The following CYP4F12 variants were observed in gnomAD, a reference collection of about 807,000 sequenced individuals.
CYP4F12 encodes cytochrome P450 4F12.
CYP4F12 carries 60 observed loss-of-function variants against 56.5 expected under a neutral mutation model. The observed-to-expected ratio is 1.06, with a 90% CI of 0.86 to 1.32. The LOEUF (loss-of-function observed/expected upper bound fraction) is 1.32. Among genes scored for constraint, CYP4F12 ranks in the 40% most tolerant of loss-of-function variants. CYP4F12 has a pLI of 0.00. For synonymous variants in CYP4F12, 263 were observed against 264.9 expected (o/e 0.99, Z 0.07); for missense variants, 711 against 683.5 (o/e 1.04, Z -0.45).
chr19:15,680,754 C>T (rs1048813288), intron 5 of CYP4F12: 8 of 570,100 alleles, frequency 1.4e-5, no homozygotes, highest in African/African-American at 1.3e-4. Context: ...CACAGAATCC[C>T]TGTAAACTCA....
chr19:15,683,338 G>A lies in CYP4F12; in HGVS notation c.648-155G>A, dbSNP rs112166237. On this transcript the variant is annotated intron_variant, in intron 6 of 12. Transcript: ENST00000550308. ...GGAGAGAAGACAGTCTAGAGAGTCA[G>A]TCTCATGACTGATACCCACCATGTA... Among the ~76,000 whole-genome samples, 1,334 of 152,286 alleles carry A rather than the reference G, an allele frequency of 8.8e-3. 15 individuals are homozygous for A. The highest frequency in any genetic ancestry group is 0.03 in the African/African-American group (1,266 of 41,540).
Position 15,696,925 on chromosome 19 carries a change from C to A in CYP4F12, c.1415C>A (p.Ala472Glu), listed in dbSNP as rs369584962. The A allele has an allele frequency of 6.2e-7, 1 of 1,613,478 alleles. No homozygotes were observed. The highest frequency in any genetic ancestry group is 2.2e-5 in the East Asian group (1 of 44,844). Residue 472 changes from alanine (A) to glutamate (E), a missense_variant, in exon 13 of 13, where the codon GCG becomes GAG. By Grantham distance (107) the Ala-to-Glu change is moderately radical (BLOSUM62 -1). Transcript: ENST00000550308. ...SAGPRNCIGQ[A>E]FAMAEMKVVL... The stretch of plus-strand genomic sequence containing the variant: ...GCCTGCAGGAACTGCATCGGGCAGG[C>A]GTTCGCCATGGCGGAGATGAAAGTG...
At chr19:15,678,576 G>A in intron 3 of CYP4F12, 171 bp downstream of exon 3, 1 of 880,980 alleles carries the variant, frequency 1.1e-6, no homozygotes, top group Non-Finnish European at 1.7e-6. Context: ...CACCACTGGG[G>A]CTCCAAGAGG....
intron 10 of CYP4F12, 35 bp from the exon 11 acceptor site, chr19:15,696,126 G>A: frequency 5.0e-6 from 8 of 1,611,854 alleles, no homozygotes; most frequent in Non-Finnish European, 5.9e-6. Flanking sequence ...TCCCTCAGGG[G>A]ATCCTTGTCC....
intron 10 of CYP4F12, 42 bp from the exon 11 acceptor site, chr19:15,696,119 C>T (rs749335918): frequency 6.2e-7 from 1 of 1,611,498 alleles, no homozygotes; most frequent in Non-Finnish European, 8.5e-7. Context: ...AGATGGTTCC[C>T]TCAGGGGATC....
At chr19:15,682,864 G>A (rs1230474537) in intron 6 of CYP4F12, among the ~76,000 whole-genome samples, 1 of 152,170 alleles carries the variant, frequency 6.6e-6, no homozygotes, top group African/African-American at 2.4e-5. Context: ...TAAGAGCTGA[G>A]CTGTGTGGGA....
chr19:15,680,822 C>T (rs1308711956), intron 5 of CYP4F12: 2 of 397,742 alleles, frequency 5.0e-6, no homozygotes, highest in Non-Finnish European at 9.6e-6. Context: ...CACTTCAGAA[C>T]TCATTGGCTT....
chr19:15,680,429 C>A lies in CYP4F12; in HGVS notation c.435C>A (p.Ser145Arg). ...TGCTGAGTGGCGGTGACAAGTGGAG[C>A]CGCCACCGTCGGATGCTGACGCCCG... is the stretch of plus-strand genomic sequence containing the variant. The part of the protein sequence containing the change: ...GILLSGGDKW[S>R]RHRRMLTPAF... The change falls in exon 5 of 13, where the codon AGC (serine) becomes AGA (arginine). Residue 145 changes from serine to arginine, a missense_variant. Physicochemically the swap from Ser to Arg is moderately radical, Grantham distance 110. Coordinates refer to ENST00000550308, the MANE Select transcript of CYP4F12 (RefSeq NM_023944.4). 1 of 1,614,010 alleles carries A rather than the reference C, an allele frequency of 6.2e-7. No individual in the cohort carries two copies. Among genetic ancestry groups the A allele is most frequent in the Non-Finnish European group, 8.5e-7 (1 of 1,179,984 alleles).
rs1291976203 is a variant in CYP4F12, at chr19:15,673,119, G to A, written c.-18G>A. 7.2e-6 allele frequency: 3 copies of A among 417,566 alleles called. No homozygotes were observed. The highest frequency in any genetic ancestry group is 5.3e-5 in the South Asian group (3 of 56,344). The allele number at this position is 417,566 out of a possible 1,614,324, so 25.9% of individuals were successfully genotyped here. The stretch of plus-strand genomic sequence containing the variant: ...GAGGAGAAGAGGTTGTGTGGGACAA[G>A]CTGCTCCCGACAGAAGGTACCAGGC... On this transcript the variant is annotated 5_prime_UTR_variant, in exon 1 of 13. Transcript: ENST00000550308.
intron 9 of CYP4F12, among the ~76,000 whole-genome samples, chr19:15,686,458 A>T (rs1251083124): frequency 6.6e-6 from 1 of 151,850 alleles, no homozygotes; most frequent in African/African-American, 2.4e-5. Context: ...GTGTCAGGGA[A>T]GGAGATGGTT....
chr19:15,685,009 A>G (rs2007529632), intron 8 of CYP4F12, 59 bp from the exon 9 acceptor site: 2 of 1,592,502 alleles, frequency 1.3e-6, no homozygotes, highest in Admixed American at 1.7e-5. Flanking sequence ...GAGGGCCTCA[A>G]TATCTGGGCG....
rs1260260335 is a variant in CYP4F12 at position 15,673,388 on chromosome 19, T to G, written c.-1-141T>G. ...TGGTTTTGGTTGGGACTTTCTGGAC[T>G]TCAGATCTCAGCCCTCGTTTACTCA... On this transcript the variant is annotated intron_variant, in intron 1 of 12. Coordinates refer to ENST00000550308, the MANE Select transcript of CYP4F12 (RefSeq NM_023944.4). The G allele has an allele frequency of 9.5e-6, 9 of 944,106 alleles. No individual in the cohort carries two copies. In the Admixed American group the frequency reaches 1.3e-4, roughly 13 times the overall value. 58.5% of individuals were successfully genotyped at this position (944,106 alleles called of 1,614,324 possible).
intron 9 of CYP4F12, among the ~76,000 whole-genome samples, chr19:15,686,721 C>T (rs1599980841): frequency 6.6e-6 from 1 of 152,100 alleles, no homozygotes; most frequent in Non-Finnish European, 1.5e-5. Flanking sequence ...CATATCTGGG[C>T]ACCAGAAAGA....
In CYP4F12 at chr19:15,696,212, G is replaced by A. The variant is rs1425856391; in HGVS notation, c.1301G>A (p.Trp434Ter). The A allele has an allele frequency of 2.5e-6, 4 of 1,614,058 alleles. No homozygotes were observed. The highest frequency in any genetic ancestry group is 2.5e-6 in the Non-Finnish European group (3 of 1,180,000). Residue 434 changes from tryptophan to a stop codon, truncating the protein, a stop_gained, in exon 11 of 13, where the codon TGG (tryptophan) becomes TAG (stop). Transcript: ENST00000550308. LOFTEE classifies it high-confidence loss of function. ...IIGVHHNPTV[W>*]PDPEVYDPFR... is the part of the protein sequence containing the mutation. ...GGGGTCCATCACAACCCAACTGTGT[G>A]GCCGGATCCTGAGGTGCTGCCTTCC...
chr19:15,682,957 A>T (rs113247569), intron 6 of CYP4F12, among the ~76,000 whole-genome samples: 1 of 152,116 alleles, frequency 6.6e-6, no homozygotes, highest in African/African-American at 2.4e-5. Flanking sequence ...GGCTGGTCTC[A>T]AATTCCTGAC....
intron 2 of CYP4F12, among the ~76,000 whole-genome samples, chr19:15,676,315 A>G (rs1342873053): frequency 2.8e-5 from 4 of 143,070 alleles, no homozygotes; most frequent in African/African-American, 1.0e-4. Context: ...TCCTGTGCCC[A>G]TTCACTCATT....
chr19:15,693,059 CAG>C (rs1354327284), intron 9 of CYP4F12, among the ~76,000 whole-genome samples: 66 of 152,196 alleles, frequency 4.3e-4, no homozygotes, highest in African/African-American at 1.4e-3. Context: ...GCCTGAGCAA[CAG>C]AGACTCCATT....
chr19:15,681,754 T>C (rs1173858426), intron 5 of CYP4F12: 1 of 152,382 alleles, frequency 6.6e-6, no homozygotes, highest in African/African-American at 2.4e-5. Flanking sequence ...ATTGGTGGCA[T>C]ACGCAGCAAG....
chr19:15,673,468 C>G, intron 1 of CYP4F12, 61 bp from the exon 2 acceptor site: 2 of 1,525,912 alleles, frequency 1.3e-6, no homozygotes, highest in Non-Finnish European at 9.0e-7. Flanking sequence ...CCCCTATACA[C>G]TGTCCCCGGA....
Sources: allele counts gnomAD v4.1 joint callset (sites outside exome capture counted in the v4.1 genomes callset), GRCh38; gene constraint gnomAD v4.1.1; transcripts MANE v1.5; gene names NCBI Gene and HGNC (gene_info 2026-07-23, HGNC 2026-07-21).